ST8SIA4: variants seen among roughly 807,000 people sequenced by gnomAD.
ST8SIA4 encodes the protein ST8 alpha-N-acetyl-neuraminide alpha-2,8-sialyltransferase 4, also known as CMP-N-acetylneuraminate-poly-alpha-2,8-sialyltransferase.
A neutral mutation model predicts 33.9 loss-of-function variants in ST8SIA4; 15 were observed. That is an observed-to-expected ratio of 0.44 (90% CI 0.30 to 0.68). ST8SIA4 has a LOEUF of 0.68. Among genes scored for constraint, ST8SIA4 ranks in the 30% least tolerant of loss-of-function variants. The probability of loss-of-function intolerance (pLI) is 0.10; values close to 1 mark genes in which losing one functional copy is unlikely to be tolerated. For synonymous variants in ST8SIA4, 171 were observed against 151.2 expected, an observed-to-expected ratio of 1.13 and a Z score of -0.96; for missense variants, 321 against 428.0, an observed-to-expected ratio of 0.75 and a Z score of 2.21.
chr5:100,814,433 T>G (rs1315345624), intron 4 of ST8SIA4, among the ~76,000 whole-genome samples: 2 of 151,946 alleles, frequency 1.3e-5, no homozygotes, highest in African/African-American at 2.4e-5. Flanking sequence ...TTTGCAACAG[T>G]TTGAATAATT....
chr5:100,845,193 A>C (rs1007672891), intron 4 of ST8SIA4, among the ~76,000 whole-genome samples: 4 of 152,010 alleles, frequency 2.6e-5, no homozygotes, highest in African/African-American at 9.7e-5. Flanking sequence ...ACCTAATCTA[A>C]ACTATTACAC....
intron 4 of ST8SIA4, among the ~76,000 whole-genome samples, chr5:100,826,959 TATACAC>T (rs1204619654): frequency 7.5e-6 from 1 of 133,582 alleles, no homozygotes; most frequent in African/African-American, 2.7e-5. Flanking sequence ...TGTGTGTGTA[TATACAC>T]ACACACACAC....
chr5:100,862,475 T>G (rs909944415), intron 3 of ST8SIA4, among the ~76,000 whole-genome samples: 7 of 152,190 alleles, frequency 4.6e-5, no homozygotes, highest in African/African-American at 1.7e-4. Context: ...ATCGGCTCCC[T>G]CCTATCTCCG....
At chr5:100,842,249 G>A (rs570044814) in intron 4 of ST8SIA4, among the ~76,000 whole-genome samples, 1 of 151,816 alleles carries the variant, frequency 6.6e-6, no homozygotes, top group Non-Finnish European at 1.5e-5. Context: ...TTTTGAAACT[G>A]ACAGCAATTC....
At chr5:100,860,320 C>T (rs143650732) in intron 3 of ST8SIA4, among the ~76,000 whole-genome samples, 5 of 152,270 alleles carry the variant, frequency 3.3e-5, no homozygotes, top group South Asian at 4.1e-4. Context: ...TTATTACCTA[C>T]GGAAACACCT....
intron 4 of ST8SIA4, among the ~76,000 whole-genome samples, chr5:100,838,114 C>A (rs574382991): frequency 1.4e-4 from 22 of 151,874 alleles, no homozygotes; most frequent in Admixed American, 3.3e-4. Flanking sequence ...TGAGACAAAG[C>A]GGTACATGGG....
chr5:100,860,643 G>A (rs759901501), intron 3 of ST8SIA4, among the ~76,000 whole-genome samples: 10 of 152,166 alleles, frequency 6.6e-5, no homozygotes, highest in Admixed American at 1.3e-4. Flanking sequence ...AGAAACTAAG[G>A]TTAAAGTGGT....
chr5:100,900,070 G>A (rs138838036), intron 1 of ST8SIA4, among the ~76,000 whole-genome samples: 1 of 152,300 alleles, frequency 6.6e-6, no homozygotes, highest in African/African-American at 2.4e-5. Flanking sequence ...CCATCTGCGT[G>A]GTATGACTGC....
intron 2 of ST8SIA4, among the ~76,000 whole-genome samples, chr5:100,891,282 A>AG (rs909303139): frequency 2.0e-5 from 3 of 151,760 alleles, no homozygotes; most frequent in African/African-American, 7.3e-5. Context: ...ACTGACTACA[A>AG]AAAAAAATCA....
chr5:100,842,051 T>A (rs907709414), intron 4 of ST8SIA4, among the ~76,000 whole-genome samples: 1 of 151,886 alleles, frequency 6.6e-6, no homozygotes, highest in African/African-American at 2.4e-5. Flanking sequence ...CAGGAACACT[T>A]CTATTCATAT....
chr5:100,871,282 T>C (rs903959423), intron 3 of ST8SIA4, among the ~76,000 whole-genome samples: 1 of 152,096 alleles, frequency 6.6e-6, no homozygotes, highest in East Asian at 1.9e-4. Flanking sequence ...AAAAAATCGA[T>C]TGAATTATAA....
Position 100,811,762 on chromosome 5 carries a change from A to G in ST8SIA4, c.*85T>C, listed in dbSNP as rs1296840533. ...TTTCAGTTCATTGGTGGATGCTGAA[A>G]CCCAGCCGTGTTTTGGATCCTATTT... On this transcript the variant is annotated 3_prime_UTR_variant, in exon 5 of 5. Transcript: ENST00000231461. 1.4e-6 allele frequency: 2 copies of G among 1,399,306 alleles called. No homozygotes were observed. Among genetic ancestry groups the G allele is most frequent in the Admixed American group, 4.8e-5 (2 of 41,660 alleles). The allele number at this position is 1,399,306 out of a possible 1,614,324, so 86.7% of individuals were successfully genotyped here. A position where few individuals can be genotyped will look rare whatever the true frequency, so the allele number is the denominator to read the frequency against.
In ST8SIA4 at chr5:100,808,125, G is replaced by A. The variant is rs1015088275; in HGVS notation, c.*3722C>T. On this transcript the variant is annotated 3_prime_UTR_variant, in exon 5 of 5. Transcript: ENST00000231461. The stretch of plus-strand genomic sequence containing the variant: ...AACTCTTTCATGAACCAAATATCAC[G>A]TTATATGCATTATGTCTAACTGGCT... 5 of 152,340 alleles carry A rather than the reference G, an allele frequency of 3.3e-5. No homozygotes were observed. The highest frequency in any genetic ancestry group is 9.6e-5 in the African/African-American group (4 of 41,458). The allele number at this position is 152,340 out of a possible 1,614,324, so 9.4% of individuals were successfully genotyped here. A position where few individuals can be genotyped will look rare whatever the true frequency, so the allele number is the denominator to read the frequency against.
rs1344757480 is a variant in ST8SIA4, at chr5:100,811,056, A to T, written c.*791T>A. 6.6e-6 allele frequency: 1 copy of T among 152,306 alleles called. No individual in the cohort carries two copies. The highest frequency in any genetic ancestry group is 1.5e-5 in the Non-Finnish European group (1 of 68,256). 9.4% of individuals were successfully genotyped at this position (152,306 alleles called of 1,614,324 possible). A position where few individuals can be genotyped will look rare whatever the true frequency, so the allele number is the denominator to read the frequency against. On this transcript the variant is annotated 3_prime_UTR_variant, in exon 5 of 5. Transcript: ENST00000231461. ...GCCAGGCGTGGTGGCAGGCGCCTGCAGTCCCAGCTACTCCGGAGGCTGAGG... is the reference window on the plus strand; with the variant it reads ...GCCAGGCGTGGTGGCAGGCGCCTGCTGTCCCAGCTACTCCGGAGGCTGAGG...
chr5:100,896,800 A>G (rs1247019530), intron 1 of ST8SIA4, among the ~76,000 whole-genome samples: 1 of 152,202 alleles, frequency 6.6e-6, no homozygotes, highest in Non-Finnish European at 1.5e-5. Context: ...GTGCTCCTCC[A>G]TCTGTATAAT....
At chr5:100,840,618 A>T (rs909674006) in intron 4 of ST8SIA4, among the ~76,000 whole-genome samples, 1 of 151,658 alleles carries the variant, frequency 6.6e-6, no homozygotes, top group Non-Finnish European at 1.5e-5. Flanking sequence ...GAATAAGGCA[A>T]AGTCATTTCT....
At chr5:100,898,643 C>A (rs1293977841) in intron 1 of ST8SIA4, among the ~76,000 whole-genome samples, 1 of 152,124 alleles carries the variant, frequency 6.6e-6, no homozygotes, top group Non-Finnish European at 1.5e-5. Flanking sequence ...GAGTAAATTT[C>A]TCTGTATAAA....
intron 4 of ST8SIA4, among the ~76,000 whole-genome samples, chr5:100,855,334 G>A (rs1751791305): frequency 6.6e-6 from 1 of 152,158 alleles, no homozygotes; most frequent in African/African-American, 2.4e-5. Context: ...TAGGCCACTA[G>A]TGAATTGTAT....
At chr5:100,853,389 A>G (rs922960628) in intron 4 of ST8SIA4, among the ~76,000 whole-genome samples, 23 of 152,200 alleles carry the variant, frequency 1.5e-4, no homozygotes, top group Non-Finnish European at 5.9e-5. Context: ...TACTTTCATT[A>G]TTCTTGGCCA....
Sources: allele counts gnomAD v4.1 joint callset (sites outside exome capture counted in the v4.1 genomes callset), GRCh38; gene constraint gnomAD v4.1.1; transcripts MANE v1.5; gene names NCBI Gene and HGNC (gene_info 2026-07-23, HGNC 2026-07-21).